FAT4: variants seen among roughly 807,000 people sequenced by gnomAD.
The protein encoded by FAT4 is protocadherin Fat 4.
FAT4 carries 84 observed loss-of-function variants against 303.9 expected under a neutral mutation model. The ratio of observed to expected loss-of-function variants is 0.28; its 90% CI spans 0.23 to 0.33. FAT4 has a LOEUF of 0.33. Ranked by LOEUF, FAT4 falls within the 10% of genes least tolerant of loss-of-function variation. The probability of loss-of-function intolerance (pLI) is 1.00; values close to 1 mark genes in which losing one functional copy is unlikely to be tolerated. For missense variants in FAT4, 6,005 were observed against 6,146.8 expected (o/e 0.98, Z 0.77); for synonymous variants, 2,307 against 2,298.8 (o/e 1.00, Z -0.10).
intron 7 of FAT4, among the ~76,000 whole-genome samples, chr4:125,431,766 C>T (rs975879652): frequency 1.1e-4 from 16 of 152,098 alleles, no homozygotes; most frequent in African/African-American, 2.9e-4. Context: ...TCTCTGGAAC[C>T]TTGATTAATG....
intron 7 of FAT4, among the ~76,000 whole-genome samples, chr4:125,429,439 A>C (rs1353700389): frequency 6.6e-6 from 1 of 152,208 alleles, no homozygotes; most frequent in Non-Finnish European, 1.5e-5. Flanking sequence ...AGAGCAAAAC[A>C]TCTGCAATAA....
At position 125,450,238 on chromosome 4, in the gene FAT4, T is replaced by A; in HGVS notation, c.9228T>A (p.Thr3076=). 1.2e-6 allele frequency: 2 copies of A among 1,614,070 alleles called. No individual in the cohort carries two copies. The highest frequency in any genetic ancestry group is 1.7e-6 in the Non-Finnish European group (2 of 1,179,998). Reference sequence around the variant, plus strand: ...ACCCTCCACTTTCTTCCCAAGCAACTGTTCACATAACTGTCACTGAGGAAA... The same window carrying A: ...ACCCTCCACTTTCTTCCCAAGCAACAGTTCACATAACTGTCACTGAGGAAA... ...KGNPPLSSQA[T]VHITVTEENY... is the part of the protein sequence containing the mutation. Residue 3076 remains threonine, a synonymous_variant, in exon 10 of 18, where the codon ACT becomes ACA. Transcript: ENST00000394329.
chr4:125,407,228 G>C lies in FAT4; in HGVS notation c.5569+87G>C, dbSNP rs1000880274. On this transcript the variant is annotated intron_variant, in intron 4 of 17. Transcript: ENST00000394329. Reference sequence around the variant, plus strand: ...TATGTTTCGGCTGCTCTTAATCAATGATTAGTTTTTAATCATATACTACTA... The same window carrying C: ...TATGTTTCGGCTGCTCTTAATCAATCATTAGTTTTTAATCATATACTACTA... 9.7e-6 allele frequency: 12 copies of C among 1,242,122 alleles called. 1 individual carries two copies. The highest frequency in any genetic ancestry group is 2.2e-5 in the Admixed American group (1 of 45,614). The allele number at this position is 1,242,122 out of a possible 1,614,324, so 76.9% of individuals were successfully genotyped here.
At chr4:125,337,769 A>G (rs1360843315) in intron 2 of FAT4, among the ~76,000 whole-genome samples, 1 of 152,042 alleles carries the variant, frequency 6.6e-6, no homozygotes, top group Non-Finnish European at 1.5e-5. Flanking sequence ...ATTCAAATCT[A>G]GGGAACTTGG....
chr4:125,363,143 A>T (rs1732734172), intron 2 of FAT4, among the ~76,000 whole-genome samples: 1 of 152,120 alleles, frequency 6.6e-6, no homozygotes, highest in African/African-American at 2.4e-5. Flanking sequence ...TACAAGGCAA[A>T]CTATGTACAT....
chr4:125,382,669 A>G, intron 2 of FAT4, among the ~76,000 whole-genome samples: 1 of 152,334 alleles, frequency 6.6e-6, no homozygotes, highest in East Asian at 1.9e-4. Context: ...GTCCCTGACA[A>G]GAAACTCAAC....
intron 2 of FAT4, chr4:125,394,136 C>T (rs1006140986): frequency 2.2e-5 from 12 of 555,624 alleles, no homozygotes; most frequent in African/African-American, 7.6e-5. Context: ...CATGGAAGTG[C>T]CTTATCTTAA....
chr4:125,336,243 C>T (rs1205037456), intron 2 of FAT4, among the ~76,000 whole-genome samples: 1 of 152,008 alleles, frequency 6.6e-6, no homozygotes, highest in African/African-American at 2.4e-5. Context: ...AGCCGCAAGA[C>T]ATAACCAAGA....
chr4:125,469,094 T>C (rs181473834), intron 12 of FAT4, among the ~76,000 whole-genome samples: 1 of 152,376 alleles, frequency 6.6e-6, no homozygotes, highest in East Asian at 1.9e-4. Context: ...TTAAAATAAC[T>C]ACCTTTCTTT....
At position 125,490,609 on chromosome 4, in the gene FAT4, C is replaced by G. The variant is rs757269699; in HGVS notation, c.13793C>G (p.Thr4598Ser). The G allele has an allele frequency of 6.2e-7, 1 of 1,614,150 alleles. No homozygotes were observed. The highest frequency in any genetic ancestry group is 1.1e-5 in the South Asian group (1 of 91,086). ...RENPYLIYDE[T>S]DIPHNSETIP... is the part of the protein sequence containing the mutation. Reference sequence around the variant, plus strand: ...AACCCCTACCTTATCTATGATGAAACTGATATTCCTCACAACTCAGAAACC... The same window carrying G: ...AACCCCTACCTTATCTATGATGAAAGTGATATTCCTCACAACTCAGAAACC... The change falls in exon 18 of 18, where the codon ACT becomes AGT. Residue 4598 changes from threonine (T) to serine (S), a missense_variant. Physicochemically the swap from Thr to Ser is moderately conservative, Grantham distance 58. Coordinates refer to ENST00000394329, the MANE Select transcript of FAT4 (RefSeq NM_001291303.3).
In FAT4 at chr4:125,463,600, C is replaced by T; in HGVS notation, c.11838C>T (p.Cys3946=). 1.9e-6 allele frequency: 3 copies of T among 1,599,550 alleles called. No individual in the cohort carries two copies. The highest frequency in any genetic ancestry group is 1.1e-5 in the South Asian group (1 of 88,598). The stretch of plus-strand genomic sequence containing the variant: ...AATCTTCAGTCAATTACTGTGAATG[C>T]AACCCCTGCTTTAATGGTGGTTCCT... ...MCESSVNYCE[C]NPCFNGGSCQ... Residue 3946 remains cysteine (C), a synonymous_variant, in exon 11 of 18, where the codon TGC becomes TGT. Coordinates refer to ENST00000394329, the MANE Select transcript of FAT4 (RefSeq NM_001291303.3).
intron 8 of FAT4, among the ~76,000 whole-genome samples, chr4:125,442,147 C>T (rs140416810): frequency 1.5e-3 from 234 of 152,174 alleles, no homozygotes; most frequent in Non-Finnish European, 2.9e-3. Flanking sequence ...TTTGTTTCTG[C>T]CTTTTTGAAC....
chr4:125,376,654 C>T (rs1383336027), intron 2 of FAT4, among the ~76,000 whole-genome samples: 1 of 152,054 alleles, frequency 6.6e-6, no homozygotes, highest in Non-Finnish European at 1.5e-5. Flanking sequence ...AATCCCAGTA[C>T]TTTGGGAGGC....
chr4:125,451,396 A>G lies in FAT4; in HGVS notation c.10386A>G (p.Gly3462=), dbSNP rs1353675162. The change falls in exon 10 of 18, where the codon GGA becomes GGG. Residue 3462 remains glycine (G), a synonymous_variant. Coordinates refer to ENST00000394329, the MANE Select transcript of FAT4 (RefSeq NM_001291303.3). ...CCTTTTCTATTAATCCGCAGACAGG[A>G]CAGATCACCGTTACTGCAGAATTAG... ...NGAFSINPQT[G]QITVTAELDR... 2 of 1,614,032 alleles carry G rather than the reference A, an allele frequency of 1.2e-6. No homozygotes were observed. Among genetic ancestry groups the G allele is most frequent in the Non-Finnish European group, 1.7e-6 (2 of 1,180,026 alleles).
In FAT4 at chr4:125,448,735, G is replaced by T. The variant is rs140288688; in HGVS notation, c.7725G>T (p.Thr2575=). ...CTAAAGTGAGAGCCAAAGAACAAAC[G>T]TTCATGTTTCCTGAAAACCAACCAG... is the stretch of plus-strand genomic sequence containing the variant. ...DFPKVRAKEQ[T]FMFPENQPVS... is the part of the protein sequence containing the mutation. The change falls in exon 10 of 18, where the codon ACG becomes ACT. Residue 2575 remains threonine, a synonymous_variant. Transcript: ENST00000394329. The T allele has an allele frequency of 3.1e-6, 5 of 1,613,420 alleles. No homozygotes were observed. The African/African-American group carries it at 4.0e-5, about 13-fold the overall frequency.
At chr4:125,439,352 A>G (rs1410315863) in intron 8 of FAT4, among the ~76,000 whole-genome samples, 1 of 142,162 alleles carries the variant, frequency 7.0e-6, no homozygotes, top group African/African-American at 2.7e-5. Flanking sequence ...TTTTTTTTTG[A>G]GATGGAGTCT....
At chr4:125,323,177 A>T (rs1034486984) in intron 2 of FAT4, among the ~76,000 whole-genome samples, 2 of 152,208 alleles carry the variant, frequency 1.3e-5, no homozygotes, top group African/African-American at 2.4e-5. Flanking sequence ...TGTAAAACAG[A>T]TTATGTTATT....
intron 2 of FAT4, among the ~76,000 whole-genome samples, chr4:125,376,490 C>T (rs1045347066): frequency 1.3e-5 from 2 of 152,006 alleles, no homozygotes; most frequent in African/African-American, 2.4e-5. Flanking sequence ...AGGAGAAATA[C>T]CTAATGTAAA....
chr4:125,390,189 AT>A (rs939922962), intron 2 of FAT4, among the ~76,000 whole-genome samples: 18 of 150,320 alleles, frequency 1.2e-4, no homozygotes, highest in African/African-American at 3.4e-4. Context: ...TAGGCGTTGA[AT>A]TTTTTTTTTG....
Sources: allele counts gnomAD v4.1 joint callset (sites outside exome capture counted in the v4.1 genomes callset), GRCh38; gene constraint gnomAD v4.1.1; transcripts MANE v1.5; gene names NCBI Gene and HGNC (gene_info 2026-07-23, HGNC 2026-07-21).